LZTFL1: variants seen among roughly 807,000 people sequenced by gnomAD.
LZTFL1 encodes leucine zipper transcription factor-like protein 1.
LZTFL1 carries 25 observed loss-of-function variants against 45.9 expected under a neutral mutation model. That is an observed-to-expected ratio of 0.54 (90% CI 0.40 to 0.76). The LOEUF (loss-of-function observed/expected upper bound fraction) is 0.76. LZTFL1 is among the 30% of genes least tolerant of loss of function. LZTFL1 has a pLI of 0.00. For missense variants in LZTFL1, 277 were observed against 331.1 expected, an observed-to-expected ratio of 0.84 and a Z score of 1.27; for synonymous variants, 93 against 117.4, an observed-to-expected ratio of 0.79 and a Z score of 1.35.
At chr3:45,827,264 C>A in intron 9 of LZTFL1, 92 bp downstream of exon 9, 1 of 954,706 alleles carries the variant, frequency 1.0e-6, no homozygotes, top group Non-Finnish European at 1.7e-6. Flanking sequence ...CAACTACCAC[C>A]GGCTTGACCT....
chr3:45,831,524 A>G (rs1032772379), intron 5 of LZTFL1, among the ~76,000 whole-genome samples: 1 of 152,060 alleles, frequency 6.6e-6, no homozygotes, highest in Non-Finnish European at 1.5e-5. Context: ...GAACTCCTTC[A>G]CTTCAGTACC....
chr3:45,860,276 G>A (rs1030180355), intron 2 of LZTFL1, among the ~76,000 whole-genome samples: 6 of 150,984 alleles, frequency 4.0e-5, no homozygotes, highest in African/African-American at 1.2e-4. Flanking sequence ...TTTTTTTTTC[G>A]AGAAATTATG....
At chr3:45,872,531 G>A (rs1701686651) in intron 2 of LZTFL1, among the ~76,000 whole-genome samples, 2 of 152,286 alleles carry the variant, frequency 1.3e-5, no homozygotes, top group South Asian at 4.1e-4. Flanking sequence ...GGATGGGTTG[G>A]TGAGCATGAG....
rs535883593 is a variant in LZTFL1 at position 45,867,129 on chromosome 3, CAGA to C, written c.-214-8116_-214-8114del. ...TGCCACTACACTCCAGCCTGGGTGACAGAGCAAGACTCAATCTCAAAAAAAAAA... is the reference window on the plus strand; with the variant it reads ...TGCCACTACACTCCAGCCTGGGTGACGCAAGACTCAATCTCAAAAAAAAAA... On this transcript the variant is annotated intron_variant, in intron 2 of 4. Transcript: ENST00000472635. Among the ~76,000 whole-genome samples the C allele has an allele frequency of 3.7e-5, 4 of 107,302 alleles. No individual in the cohort carries two copies. In the East Asian group the frequency reaches 1.1e-3, roughly 30 times the overall value. 70.4% of individuals were successfully genotyped at this position (107,302 alleles called of 152,430 possible).
chr3:45,888,450 G>A (rs1023086800), intron 2 of LZTFL1, among the ~76,000 whole-genome samples: 4 of 152,200 alleles, frequency 2.6e-5, no homozygotes, highest in African/African-American at 9.7e-5. Context: ...CAGTGTATTT[G>A]AATGCAAGCT....
intron 2 of LZTFL1, among the ~76,000 whole-genome samples, chr3:45,899,638 T>C (rs1290380120): frequency 6.6e-6 from 1 of 152,154 alleles, no homozygotes; most frequent in Non-Finnish European, 1.5e-5. Flanking sequence ...TAGTCCCTGG[T>C]GGAATTTGGG....
chr3:45,850,269 G>C (rs1000410940), intron 4 of LZTFL1, among the ~76,000 whole-genome samples: 1 of 152,164 alleles, frequency 6.6e-6, no homozygotes, highest in Non-Finnish European at 1.5e-5. Context: ...TCTTATTTGT[G>C]AAGAGAGAAT....
In LZTFL1 at chr3:45,826,135, C is replaced by T; in HGVS notation, c.*179G>A. The T allele has an allele frequency of 1.6e-6, 1 of 608,230 alleles. No homozygotes were observed. The highest frequency in any genetic ancestry group is 2.9e-6 in the Non-Finnish European group (1 of 343,192). 37.7% of individuals were successfully genotyped at this position (608,230 alleles called of 1,614,324 possible). ...GGTGTGTGGGATGACCAGACAGAATCACTAGGTTTTCTCTGTTTTCAACTA... is the reference window on the plus strand; with the variant it reads ...GGTGTGTGGGATGACCAGACAGAATTACTAGGTTTTCTCTGTTTTCAACTA... On this transcript the variant is annotated 3_prime_UTR_variant, in exon 10 of 10. Transcript: ENST00000296135.
chr3:45,832,262 T>C lies in LZTFL1; in HGVS notation c.456+788A>G, dbSNP rs79893239. Among the ~76,000 whole-genome samples the C allele has an allele frequency of 3.9e-3, 597 of 152,168 alleles. 4 individuals are homozygous for C. Among genetic ancestry groups the C allele is most frequent in the Non-Finnish European group, 6.5e-3 (441 of 67,994 alleles). ...AAACAACAATAAAAAACCCAAACTATTACATTTTTGAGGGCAAGGGAGCAG... is the reference window on the plus strand; with the variant it reads ...AAACAACAATAAAAAACCCAAACTACTACATTTTTGAGGGCAAGGGAGCAG... On this transcript the variant is annotated intron_variant, in intron 5 of 9. Transcript: ENST00000296135.
At chr3:45,849,484 C>A (rs899633020) in intron 4 of LZTFL1, among the ~76,000 whole-genome samples, 13 of 152,278 alleles carry the variant, frequency 8.5e-5, no homozygotes, top group African/African-American at 3.1e-4. Flanking sequence ...AAAAAAATAA[C>A]TGAACACACT....
intron 2 of LZTFL1, among the ~76,000 whole-genome samples, chr3:45,861,205 C>G (rs1376561175): frequency 2.2e-5 from 2 of 91,514 alleles, no homozygotes; most frequent in Non-Finnish European, 4.3e-5. Context: ...TGTGAAGAAG[C>G]AAAACGAAAA....
At chr3:45,915,459 C>T in exon 1 of LZTFL1, 1 of 454,548 alleles carries the variant, frequency 2.2e-6, no homozygotes, top group Non-Finnish European at 4.4e-6. Flanking sequence ...AAATGGCTTC[C>T]TTCTCTCCTC....
At chr3:45,887,027 T>C (rs1702001174) in intron 2 of LZTFL1, among the ~76,000 whole-genome samples, 1 of 152,146 alleles carries the variant, frequency 6.6e-6, no homozygotes, top group Non-Finnish European at 1.5e-5. Context: ...GGATTCTTTG[T>C]AGCAGTGAAA....
intron 2 of LZTFL1, among the ~76,000 whole-genome samples, chr3:45,871,336 C>T (rs1266508810): frequency 6.6e-6 from 1 of 152,138 alleles, no homozygotes; most frequent in East Asian, 1.9e-4. Context: ...GGGTGAGAGG[C>T]CATGATTCCC....
chr3:45,901,811 C>A lies in LZTFL1; in HGVS notation c.-215+11309G>T, dbSNP rs1236102421. 3 of 1,614,012 alleles carry A rather than the reference C, an allele frequency of 1.9e-6. No homozygotes were observed. Among genetic ancestry groups the A allele is most frequent in the Non-Finnish European group, 2.5e-6 (3 of 1,179,930 alleles). ...AGAACTTGGGTTGCATCAGCCAGGC[C>A]CAGTGGGTTTCATTTACAAGGAGAG... On this transcript the variant is annotated intron_variant, in intron 2 of 4. Coordinates refer to the LZTFL1 transcript ENST00000472635. This position sits in a 1 kb window ranked among gnomAD's most constrained non-coding sequence, Gnocchi z 4.3.
chr3:45,826,324 G>C lies in LZTFL1; in HGVS notation c.890C>G (p.Pro297Arg), dbSNP rs1387563710. ...DLRKRLAQYE[P>R]ED ...AGGAAATCTTCAGTTTTAATCTTCA[G>C]GTTCATATCTGGAGATATAAATTAA... The change falls in exon 10 of 10, where the codon CCT becomes CGT. Residue 297 changes from proline (P) to arginine (R), a missense_variant. By Grantham distance (103) the Pro-to-Arg change is moderately radical (BLOSUM62 -2). Coordinates refer to ENST00000296135, the MANE Select transcript of LZTFL1 (RefSeq NM_020347.4). The C allele has an allele frequency of 6.2e-7, 1 of 1,611,998 alleles. No homozygotes were observed. Among genetic ancestry groups the C allele is most frequent in the Non-Finnish European group, 8.5e-7 (1 of 1,178,516 alleles).
chr3:45,839,793 T>C (rs1472185643), intron 1 of LZTFL1, among the ~76,000 whole-genome samples: 1 of 152,168 alleles, frequency 6.6e-6, no homozygotes, highest in Non-Finnish European at 1.5e-5. Flanking sequence ...TACAATTGGA[T>C]CTCACCAGCC....
At chr3:45,879,216 C>T (rs1037708990) in intron 2 of LZTFL1, among the ~76,000 whole-genome samples, 5 of 152,202 alleles carry the variant, frequency 3.3e-5, no homozygotes, top group Admixed American at 6.5e-5. Flanking sequence ...CAGATGTTCA[C>T]GGCAACTTTA....
rs1418689628 is a variant in LZTFL1, at chr3:45,854,949, C to T, written c.-49+37G>A. On this transcript the variant is annotated intron_variant, in intron 4 of 4. Coordinates refer to the LZTFL1 transcript ENST00000472635. The stretch of plus-strand genomic sequence containing the variant: ...AAAACAGGAACAACCACCACCAAAA[C>T]ATAATTATAATATGTCAGATGCGCT... 4.2e-6 allele frequency: 6 copies of T among 1,428,384 alleles called. No homozygotes were observed. In the Admixed American group the frequency reaches 6.3e-5, roughly 15 times the overall value. 88.5% of individuals were successfully genotyped at this position (1,428,384 alleles called of 1,614,324 possible).
Sources: gnomAD v4.1 joint callset for allele counts (sites outside exome capture counted in the v4.1 genomes callset) on GRCh38, gnomAD v4.1.1 for gene constraint, Gnocchi (gnomAD v3.1) non-coding constraint, MANE v1.5 for transcripts, NCBI Gene and HGNC (gene_info 2026-07-23, HGNC 2026-07-21) for gene names.